Variants in SF3A2 observed in about 807,000 individuals in gnomAD.
SF3A2 encodes splicing factor 3a subunit 2, also known as SAP 62.
A neutral mutation model predicts 31.1 loss-of-function variants in SF3A2; 5 were observed. The observed-to-expected ratio is 0.16, with a 90% confidence interval of 0.08 to 0.34. The LOEUF (loss-of-function observed/expected upper bound fraction) is 0.34, where lower values mean the gene tolerates loss of function less well. Ranked by LOEUF, SF3A2 falls within the 10% of genes least tolerant of loss-of-function variation. SF3A2 has a pLI of 1.00. For missense variants in SF3A2, 577 were observed against 643.9 expected (o/e 0.90, Z 1.13); for synonymous variants, 365 against 263.7 (o/e 1.38, Z -3.72).
intron 1 of SF3A2, among the ~76,000 whole-genome samples, chr19:2,242,812 G>T (rs1177602438): frequency 2.0e-5 from 3 of 152,146 alleles, no homozygotes; most frequent in African/African-American, 7.2e-5. Flanking sequence ...AGCCCCCTGC[G>T]CCACAAGCAG....
chr19:2,243,621 T>G (rs915628077), intron 2 of SF3A2, 77 bp downstream of exon 2: 19 of 1,425,258 alleles, frequency 1.3e-5, no homozygotes, highest in Non-Finnish European at 1.6e-5. Context: ...TGCCAGAGGC[T>G]CTTCTTGGGC....
At chr19:2,239,098 C>T (rs1363913006) in intron 1 of SF3A2, among the ~76,000 whole-genome samples, 1 of 152,238 alleles carries the variant, frequency 6.6e-6, no homozygotes, top group Admixed American at 6.5e-5. Flanking sequence ...GGCGTGGTGG[C>T]TCACGCCTGT....
chr19:2,247,703 C>T, intron 8 of SF3A2, 41 bp downstream of exon 8: 1 of 1,611,976 alleles, frequency 6.2e-7, no homozygotes, highest in Non-Finnish European at 8.5e-7. Context: ...CCCACCCAGC[C>T]CTGGCGGCCC....
Position 2,247,034 on chromosome 19 carries a change from G to A in SF3A2, c.546+12G>A. On this transcript the variant is annotated intron_variant, in intron 7 of 8. Transcript: ENST00000221494. ...CCATTGCCTTCAAGGTAGCGTGGCTGCGGGGTTCCCTGGGCCCCCTTGAGA... is the reference window on the plus strand; with the variant it reads ...CCATTGCCTTCAAGGTAGCGTGGCTACGGGGTTCCCTGGGCCCCCTTGAGA... The A allele has an allele frequency of 1.3e-6, 2 of 1,595,504 alleles. No homozygotes were observed. The highest frequency in any genetic ancestry group is 1.7e-6 in the Non-Finnish European group (2 of 1,177,786).
Position 2,240,419 on chromosome 19 carries a change from C to T in SF3A2, c.-37-2963C>T, listed in dbSNP as rs369229473. Among the ~76,000 whole-genome samples the T allele has an allele frequency of 6.3e-4, 96 of 152,292 alleles. No homozygotes were observed. In the South Asian group the frequency reaches 0.02, roughly 31 times the overall value. ...GTTGTGGGCGATCCGAGCGTGGGAC[C>T]TTCCCCGGGGTGCCGCCCCATTTCA... On this transcript the variant is annotated intron_variant, in intron 1 of 8. Transcript: ENST00000221494.
In SF3A2 at chr19:2,245,578, C is replaced by T. The variant is rs895914577; in HGVS notation, c.355+23C>T. 17 of 1,481,568 alleles carry T rather than the reference C, an allele frequency of 1.1e-5. No homozygotes were observed. Among genetic ancestry groups the T allele is most frequent in the African/African-American group, 2.8e-5 (2 of 71,762 alleles). The allele number at this position is 1,481,568 out of a possible 1,614,324, so 91.8% of individuals were successfully genotyped here. A position where few individuals can be genotyped will look rare whatever the true frequency, so the allele number is the denominator to read the frequency against. ...AAGGTGAGTCTGCCCGCAGCGGGGCCGGCCACAGCCGCTGCCGTGACATAA... is the reference window on the plus strand; with the variant it reads ...AAGGTGAGTCTGCCCGCAGCGGGGCTGGCCACAGCCGCTGCCGTGACATAA... On this transcript the variant is annotated intron_variant, in intron 5 of 8. Coordinates refer to ENST00000221494, the MANE Select transcript of SF3A2 (RefSeq NM_007165.5). The surrounding 1 kb of genome is among the most constrained non-coding windows in gnomAD (Gnocchi z 4.2).
chr19:2,247,559 G>A (rs1216990842), intron 7 of SF3A2, 35 bp from the exon 8 acceptor site: 1 of 1,609,884 alleles, frequency 6.2e-7, no homozygotes, highest in African/African-American at 1.3e-5. Context: ...GAGGTCACAG[G>A]GACCAGGAGC....
chr19:2,237,262 TTTTAAAAAA>T (rs962999881), intron 1 of SF3A2: 2 of 147,594 alleles, frequency 1.4e-5, no homozygotes, highest in African/African-American at 5.1e-5. Flanking sequence ...CTACAAAAAA[TTTTAAAAAA>T]TTAGCCAGGA....
Position 2,248,164 on chromosome 19 carries a change from C to T in SF3A2, c.1013C>T (p.Pro338Leu), listed in dbSNP as rs1262829416. 6.7e-7 allele frequency: 1 copy of T among 1,483,114 alleles called. No homozygotes were observed. Among genetic ancestry groups the T allele is most frequent in the Non-Finnish European group, 9.1e-7 (1 of 1,095,800 alleles). The allele number at this position is 1,483,114 out of a possible 1,614,324, so 91.9% of individuals were successfully genotyped here. A position where few individuals can be genotyped will look rare whatever the true frequency, so the allele number is the denominator to read the frequency against. Residue 338 changes from proline (P) to leucine (L), a missense_variant, in exon 9 of 9, where the codon CCT becomes CTT. Pro to Leu is a moderately conservative substitution (Grantham distance 98, BLOSUM62 -3). Coordinates refer to ENST00000221494, the MANE Select transcript of SF3A2 (RefSeq NM_007165.5). ...GVHPPAPGVH[P>L]PAPGVHPPAP... ...CACCCCCCAGCTCCTGGAGTCCACC[C>T]TCCAGCCCCCGGGGTTCACCCACCA...
At chr19:2,247,120 T>G (rs2145016984) in intron 7 of SF3A2, 98 bp downstream of exon 7, 4 of 1,482,320 alleles carry the variant, frequency 2.7e-6, no homozygotes, top group Non-Finnish European at 3.6e-6. Context: ...GGGCTTGGGG[T>G]CCCCTGGGCC....
At chr19:2,237,877 C>T (rs2024849500) in intron 1 of SF3A2, 1 of 152,164 alleles carries the variant, frequency 6.6e-6, no homozygotes, top group African/African-American at 2.4e-5. Context: ...AACAGCCAGG[C>T]GGAGCTCTGG....
intron 1 of SF3A2, among the ~76,000 whole-genome samples, chr19:2,238,173 A>C (rs1340106889): frequency 1.3e-5 from 2 of 152,176 alleles, no homozygotes; most frequent in Non-Finnish European, 2.9e-5. Context: ...ACAGGTGCTC[A>C]CCACCATGTC....
intron 1 of SF3A2, among the ~76,000 whole-genome samples, chr19:2,241,511 C>T (rs1016832875): frequency 3.3e-5 from 5 of 152,218 alleles, no homozygotes; most frequent in South Asian, 2.1e-4. Flanking sequence ...TGAACCTGTC[C>T]GGGCGGCACC....
chr19:2,247,878 C>A lies in SF3A2; in HGVS notation c.727C>A (p.Pro243Thr), dbSNP rs199857716. The A allele has an allele frequency of 3.8e-6, 6 of 1,569,666 alleles. No homozygotes were observed. The highest frequency in any genetic ancestry group is 1.1e-5 in the South Asian group (1 of 90,422). ...PPPPLMNGLP[P>T]RPPLPESLPP... ...ACCCCCGCTGATGAACGGTCTGCCCCCTCGGCCACCGCTGCCTGAGTCTTT... is the reference window on the plus strand; with the variant it reads ...ACCCCCGCTGATGAACGGTCTGCCCACTCGGCCACCGCTGCCTGAGTCTTT... The change falls in exon 9 of 9, where the codon CCT becomes ACT. Residue 243 changes from proline to threonine, a missense_variant. Pro to Thr is a conservative substitution (Grantham distance 38). This residue lies in a region of SF3A2 where 462 missense variants were observed against 339.1 expected (regional missense o/e 1.36). Transcript: ENST00000221494.
chr19:2,246,026 G>T lies in SF3A2; in HGVS notation c.355+471G>T, dbSNP rs562489259. On this transcript the variant is annotated intron_variant, in intron 5 of 8. Transcript: ENST00000221494. This position sits in a 1 kb window ranked among gnomAD's most constrained non-coding sequence, Gnocchi z 5.5. ...GGAAGTGACCAGGGTGGAAGATAGA[G>T]ACTTGTGTCCATAGGGTTCAGGAAG... Among the ~76,000 whole-genome samples the T allele has an allele frequency of 6.6e-6, 1 of 152,344 alleles. No individual in the cohort carries two copies. The highest frequency in any genetic ancestry group is 1.9e-4 in the East Asian group (1 of 5,188).
chr19:2,248,169 GC>G lies in SF3A2; in HGVS notation c.1023del (p.Val343PhefsTer103). 1.6e-5 allele frequency: 23 copies of G among 1,450,634 alleles called. No individual in the cohort carries two copies. The highest frequency in any genetic ancestry group is 4.1e-5 in the Admixed American group (2 of 49,044). 89.9% of individuals were successfully genotyped at this position (1,450,634 alleles called of 1,614,324 possible). A position where few individuals can be genotyped will look rare whatever the true frequency, so the allele number is the denominator to read the frequency against. On this transcript the variant is annotated frameshift_variant, in exon 9 of 9. Coordinates refer to ENST00000221494, the MANE Select transcript of SF3A2 (RefSeq NM_007165.5). LOFTEE classifies it low-confidence loss of function (END_TRUNC). ...CCCAGCTCCTGGAGTCCACCCTCCA[GC>G]CCCCGGGGTTCACCCACCAGCCCCC... ...HPPAPGVHPP[A>X]PGVHPPAPGV...
intron 1 of SF3A2, among the ~76,000 whole-genome samples, chr19:2,241,313 C>G (rs926411321): frequency 6.6e-6 from 1 of 152,068 alleles, no homozygotes; most frequent in African/African-American, 2.4e-5. Flanking sequence ...TTCCCCCGAG[C>G]GAGGGCTTGG....
chr19:2,246,938 G>A lies in SF3A2; in HGVS notation c.462G>A (p.Ala154=), dbSNP rs773679311. 1.6e-5 allele frequency: 25 copies of A among 1,609,344 alleles called. No individual in the cohort carries two copies. The highest frequency in any genetic ancestry group is 4.5e-5 in the East Asian group (2 of 44,878). Residue 154 remains alanine, a synonymous_variant, in exon 7 of 9, where the codon GCG becomes GCA. Coordinates refer to ENST00000221494, the MANE Select transcript of SF3A2 (RefSeq NM_007165.5). The surrounding 1 kb of genome is among the most constrained non-coding windows in gnomAD (Gnocchi z 5.5). ...TGCCACGTCACCGCTTCATGTCTGC[G>A]TACGAGCAGAGGATCGAGCCTCCGG... ...GIMPRHRFMS[A]YEQRIEPPDR...
chr19:2,237,372 A>T (rs2024835699), intron 1 of SF3A2: 1 of 144,210 alleles, frequency 6.9e-6, no homozygotes, highest in Non-Finnish European at 1.5e-5. Context: ...CCACCACTGC[A>T]CTCCAGCCTG....
Sources: allele counts gnomAD v4.1 joint callset (sites outside exome capture counted in the v4.1 genomes callset), GRCh38; gene constraint gnomAD v4.1.1; regional missense constraint gnomAD v4.1.1; non-coding constraint Gnocchi (gnomAD v3.1); transcripts MANE v1.5; gene names NCBI Gene and HGNC (gene_info 2026-07-23, HGNC 2026-07-21).